NOX4: variants seen among roughly 807,000 people sequenced by gnomAD.
NOX4 encodes kidney oxidase-1.
A neutral mutation model predicts 87.6 loss-of-function variants in NOX4; 69 were observed. The observed-to-expected ratio is 0.79, with a 90% confidence interval of 0.65 to 0.96. The LOEUF (loss-of-function observed/expected upper bound fraction) is 0.96, where lower values mean the gene tolerates loss of function less well. Among genes scored for constraint, NOX4 ranks in the 40% least tolerant of loss-of-function variants. NOX4 has a pLI of 0.00. For synonymous variants in NOX4, 275 were observed against 238.2 expected (o/e 1.15, Z -1.42); for missense variants, 680 against 681.5 (o/e 1.00, Z 0.02).
intron 12 of NOX4, among the ~76,000 whole-genome samples, chr11:89,368,746 A>G (rs2135039385): frequency 6.6e-6 from 1 of 152,172 alleles, no homozygotes; most frequent in South Asian, 2.1e-4. Context: ...ATGTTGGTCA[A>G]TTTCTGTGGA....
At chr11:89,472,550 C>T (rs12794512) in intron 2 of NOX4, among the ~76,000 whole-genome samples, 1,969 of 152,124 alleles carry the variant, frequency 0.013, 28 homozygotes, top group Middle Eastern at 0.054. Context: ...TTTTTATCTA[C>T]GCTTTCTAAA....
intron 4 of NOX4, 75 bp downstream of exon 4, chr11:89,449,365 T>C: frequency 9.2e-7 from 1 of 1,092,498 alleles, no homozygotes; most frequent in East Asian, 2.6e-5. Context: ...CTCTGATCAT[T>C]CTGTGTATGT....
chr11:89,379,723 C>G (rs894424428), intron 11 of NOX4, among the ~76,000 whole-genome samples: 2 of 152,240 alleles, frequency 1.3e-5, no homozygotes, highest in Non-Finnish European at 1.5e-5. Context: ...TCAGCCTTGA[C>G]TTCACTTCCT....
At chr11:89,502,023 G>A (rs1947027514), upstream of NOX4, among the ~76,000 whole-genome samples, 1 of 151,998 alleles carries the variant, frequency 6.6e-6, no homozygotes, top group East Asian at 1.9e-4. Flanking sequence ...AGAGCACAAG[G>A]AGCCACTTCC....
At chr11:89,545,186 C>T in the NOX4 span, 1 of 152,098 alleles carries the variant, frequency 6.6e-6, no homozygotes, top group Non-Finnish European at 1.5e-5. Flanking sequence ...GATTTTTCAG[C>T]AAAAGGTCAT....
the NOX4 span, among the ~76,000 whole-genome samples, chr11:89,560,946 A>G: frequency 7.7e-6 from 1 of 129,462 alleles, no homozygotes; most frequent in African/African-American, 3.1e-5. Context: ...CCCCTAAAAA[A>G]TTCCCATCTC....
intron 13 of NOX4, among the ~76,000 whole-genome samples, chr11:89,348,164 T>C (rs529955634): frequency 4.7e-4 from 72 of 152,252 alleles, no homozygotes; most frequent in African/African-American, 1.6e-3. Flanking sequence ...ATGCCTGTAA[T>C]CCCCACTTTG....
At chr11:89,432,013 A>G (rs1170216296) in intron 7 of NOX4, among the ~76,000 whole-genome samples, 2 of 152,202 alleles carry the variant, frequency 1.3e-5, no homozygotes, top group African/African-American at 4.8e-5. Context: ...ATGGATTACT[A>G]TGCAGCCATA....
upstream of NOX4, among the ~76,000 whole-genome samples, chr11:89,495,020 G>A (rs1160207306): frequency 6.6e-6 from 1 of 152,180 alleles, no homozygotes; most frequent in African/African-American, 2.4e-5. Context: ...ATGGCTCACT[G>A]CAGCCTTGAC....
chr11:89,571,518 A>C, the NOX4 span, among the ~76,000 whole-genome samples: 1 of 151,944 alleles, frequency 6.6e-6, no homozygotes, highest in Admixed American at 6.5e-5. Flanking sequence ...GCTGGCCTCA[A>C]ACTCCTGACC....
At chr11:89,557,831 C>G in the NOX4 span, among the ~76,000 whole-genome samples, 1 of 151,988 alleles carries the variant, frequency 6.6e-6, no homozygotes, top group Non-Finnish European at 1.5e-5. Flanking sequence ...TATTCAGGGT[C>G]TGAAACAAAG....
At chr11:89,523,864 AAGT>A in the NOX4 span, among the ~76,000 whole-genome samples, 2 of 152,236 alleles carry the variant, frequency 1.3e-5, no homozygotes, top group African/African-American at 4.8e-5. Context: ...GGATAAAAGA[AAGT>A]AGACACACAA....
chr11:89,441,199 G>T (rs962806176), intron 5 of NOX4, among the ~76,000 whole-genome samples: 1 of 152,152 alleles, frequency 6.6e-6, no homozygotes, highest in African/African-American at 2.4e-5. Context: ...AGAGCTTTCT[G>T]TGTTTCAAAT....
At chr11:89,327,988 A>G (rs1450689721) in intron 17 of NOX4, among the ~76,000 whole-genome samples, 1 of 152,170 alleles carries the variant, frequency 6.6e-6, no homozygotes, top group Non-Finnish European at 1.5e-5. Flanking sequence ...AAAACAAGCT[A>G]AGCACCGTCA....
At chr11:89,534,717 A>T in the NOX4 span, among the ~76,000 whole-genome samples, 5 of 152,136 alleles carry the variant, frequency 3.3e-5, no homozygotes, top group Admixed American at 6.6e-5. Context: ...AGATGTCCTT[A>T]CCCAGTAGAC....
intron 2 of NOX4, 23 bp from the exon 3 acceptor site, chr11:89,451,918 GCA>G (rs762671195): frequency 1.3e-6 from 2 of 1,526,024 alleles, no homozygotes; most frequent in African/African-American, 2.7e-5. Flanking sequence ...GGCAAGGTCA[GCA>G]CACAGTTAAG....
At chr11:89,572,452 T>C in the NOX4 span, among the ~76,000 whole-genome samples, 67 of 152,360 alleles carry the variant, frequency 4.4e-4, no homozygotes, top group African/African-American at 1.5e-3. Flanking sequence ...ACATTATGAC[T>C]AGTGTTTGGC....
intron 6 of NOX4, among the ~76,000 whole-genome samples, chr11:89,436,287 AC>A (rs1252864236): frequency 6.6e-6 from 1 of 152,164 alleles, no homozygotes; most frequent in Admixed American, 6.6e-5. Flanking sequence ...ATCAAAGGGC[AC>A]CCTAAGCTAG....
At chr11:89,510,503 CAT>C in the NOX4 span, among the ~76,000 whole-genome samples, 1 of 152,006 alleles carries the variant, frequency 6.6e-6, no homozygotes, top group Admixed American at 6.6e-5. Context: ...GGGACAGTAA[CAT>C]AAAGTCACAG....
Sources: allele counts gnomAD v4.1 joint callset (sites outside exome capture counted in the v4.1 genomes callset), GRCh38; gene constraint gnomAD v4.1.1; transcripts MANE v1.5; gene names NCBI Gene and HGNC (gene_info 2026-07-23, HGNC 2026-07-21).